TEX11: variants seen among roughly 807,000 people sequenced by gnomAD.
The protein encoded by TEX11 is testis expressed 11, also known as testis-expressed protein 11.
A neutral mutation model predicts 84.4 loss-of-function variants in TEX11; 7 were observed. The observed-to-expected ratio is 0.08, with a 90% confidence interval of 0.05 to 0.16. The LOEUF (loss-of-function observed/expected upper bound fraction) is 0.16. TEX11 is among the 10% of genes least tolerant of loss of function. TEX11 has a pLI of 1.00. For synonymous variants in TEX11, 264 were observed against 222.8 expected, an observed-to-expected ratio of 1.18 and a Z score of -1.64; for missense variants, 551 against 660.5, an observed-to-expected ratio of 0.83 and a Z score of 1.82.
intron 2 of TEX11, among the ~76,000 whole-genome samples, chrX:70,904,203 C>T (rs1246291516): frequency 9.0e-6 from 1 of 110,517 alleles, no homozygotes; most frequent in Admixed American, 9.8e-5. Flanking sequence ...TGAACTATAG[C>T]CATTGCTAAA....
At chrX:70,702,288 G>A (rs1315778644) in intron 13 of TEX11, among the ~76,000 whole-genome samples, 4 of 111,619 alleles carry the variant, frequency 3.6e-5, no homozygotes, top group Non-Finnish European at 5.6e-5. Context: ...TGATCAGTCC[G>A]CAGCCAACAA....
chrX:70,708,986 G>GA (rs1258765215), intron 13 of TEX11, among the ~76,000 whole-genome samples: 6 of 109,281 alleles, frequency 5.5e-5, no homozygotes, highest in Non-Finnish European at 9.6e-5. Context: ...TCCCTCTAGG[G>GA]AAAAAACCTA....
intron 24 of TEX11, among the ~76,000 whole-genome samples, chrX:70,602,649 G>A (rs1374564593): frequency 9.3e-6 from 1 of 107,842 alleles, no homozygotes; most frequent in Non-Finnish European, 1.9e-5. Context: ...CACAAGACAG[G>A]GATGCCCTCT....
At chrX:70,861,982 A>G (rs1351293785) in intron 4 of TEX11, among the ~76,000 whole-genome samples, 1 of 110,258 alleles carries the variant, frequency 9.1e-6, no homozygotes, top group Non-Finnish European at 1.9e-5. Flanking sequence ...AACTTTCTAA[A>G]TATATATATA....
At chrX:70,884,495 T>A (rs2091698117) in intron 2 of TEX11, among the ~76,000 whole-genome samples, 1 of 111,850 alleles carries the variant, frequency 8.9e-6, no homozygotes, top group Non-Finnish European at 1.9e-5. Context: ...TTGGTTTGAA[T>A]GAGGACAGCC....
intron 16 of TEX11, among the ~76,000 whole-genome samples, chrX:70,659,863 TAAC>T (rs1486300030): frequency 8.9e-6 from 1 of 112,150 alleles, no homozygotes; most frequent in Non-Finnish European, 1.9e-5. Flanking sequence ...ATGTGTCACT[TAAC>T]AACAGGGGTA....
At chrX:70,690,057 A>G (rs910670978) in intron 13 of TEX11, among the ~76,000 whole-genome samples, 1 of 111,818 alleles carries the variant, frequency 8.9e-6, no homozygotes. Flanking sequence ...TATCCTACAA[A>G]ATACTTGATG....
intron 25 of TEX11, among the ~76,000 whole-genome samples, chrX:70,564,807 T>C (rs1423249134): frequency 9.1e-6 from 1 of 110,089 alleles, no homozygotes; most frequent in East Asian, 2.8e-4. Flanking sequence ...TCTATCATTG[T>C]TGGACATTTG....
At chrX:70,621,551 A>AATATATATATATATATATATAT (rs1555999800) in intron 20 of TEX11, among the ~76,000 whole-genome samples, 2 of 7,817 alleles carry the variant, frequency 2.6e-4, no homozygotes, top group Admixed American at 5.1e-3. Flanking sequence ...AAAAAAAAAA[A>AATATATATATATATATATATAT]ATATATATAT....
At chrX:70,672,870 T>A (rs924231104) in intron 15 of TEX11, 1 of 111,328 alleles carries the variant, frequency 9.0e-6, no homozygotes, top group Non-Finnish European at 1.9e-5. Flanking sequence ...TTTTTTTCAG[T>A]CCTTAAGGAC....
At chrX:70,553,637 T>C (rs928544694) in intron 26 of TEX11, among the ~76,000 whole-genome samples, 1 of 111,907 alleles carries the variant, frequency 8.9e-6, no homozygotes, top group Non-Finnish European at 1.9e-5. Flanking sequence ...ACATCCTTTT[T>C]TCAGCAAACA....
At position 70,674,066 on chromosome X, in the gene TEX11, A is replaced by G. The variant is rs1007848596; in HGVS notation, c.1243-3552T>C. Among the ~76,000 whole-genome samples the G allele has an allele frequency of 2.7e-4, 30 of 111,407 alleles. 1 individual carries two copies. The highest frequency in any genetic ancestry group is 1.3e-4 in the Non-Finnish European group (7 of 53,092). ...TCCCTTCTCTCATCCTCCACCCTCA[A>G]GTAGACACCAGTGTCTGTTGTTTCC... On this transcript the variant is annotated intron_variant, in intron 15 of 29. Coordinates refer to ENST00000374333, the MANE Select transcript of TEX11 (RefSeq NM_031276.3).
At chrX:70,562,598 A>T (rs1369804937) in intron 25 of TEX11, among the ~76,000 whole-genome samples, 1 of 112,011 alleles carries the variant, frequency 8.9e-6, no homozygotes, top group Non-Finnish European at 1.9e-5. Context: ...TATGTAGTTC[A>T]TTCGTAATAG....
intron 13 of TEX11, among the ~76,000 whole-genome samples, chrX:70,693,650 A>C (rs1464199369): frequency 8.9e-6 from 1 of 111,786 alleles, no homozygotes; most frequent in East Asian, 2.8e-4. Flanking sequence ...TTTTAGTTAA[A>C]GGGTACAAAC....
intron 9 of TEX11, among the ~76,000 whole-genome samples, chrX:70,786,818 G>A (rs1452686444): frequency 8.9e-6 from 1 of 111,844 alleles, no homozygotes; most frequent in Non-Finnish European, 1.9e-5. Flanking sequence ...AAAAACATAT[G>A]ATCCTCTGAT....
chrX:70,677,572 GCT>G (rs1376522291), intron 15 of TEX11, among the ~76,000 whole-genome samples: 1 of 111,139 alleles, frequency 9.0e-6, no homozygotes, highest in Non-Finnish European at 1.9e-5. Flanking sequence ...TAGCTTCTTT[GCT>G]CTGACTTCAA....
intron 11 of TEX11, among the ~76,000 whole-genome samples, chrX:70,735,402 T>C (rs778884137): frequency 1.8e-5 from 2 of 111,849 alleles, no homozygotes; most frequent in East Asian, 5.6e-4. Flanking sequence ...ATTAAAAAAC[T>C]ATTAAAGCTA....
At chrX:70,693,271 C>T (rs1448955057) in intron 13 of TEX11, among the ~76,000 whole-genome samples, 2 of 111,388 alleles carry the variant, frequency 1.8e-5, no homozygotes, top group Non-Finnish European at 3.8e-5. Flanking sequence ...TTTCTACATC[C>T]TTGCCAACAC....
chrX:70,754,932 C>G (rs749319728), intron 9 of TEX11, among the ~76,000 whole-genome samples: 2 of 111,876 alleles, frequency 1.8e-5, no homozygotes, highest in African/African-American at 6.5e-5. Context: ...CTTGGGATGC[C>G]CCCTAAAACA....
Sources: allele counts gnomAD v4.1 joint callset (sites outside exome capture counted in the v4.1 genomes callset), GRCh38; gene constraint gnomAD v4.1.1; transcripts MANE v1.5; gene names NCBI Gene and HGNC (gene_info 2026-07-23, HGNC 2026-07-21).